LINGO2: variants seen among roughly 807,000 people sequenced by gnomAD.
The protein encoded by LINGO2 is leucine-rich repeat and immunoglobulin-like domain-containing nogo receptor-interacting protein 2.
Under a neutral mutation model 30.6 loss-of-function variants are expected in LINGO2, and 14 were observed. The observed-to-expected ratio is 0.46, with a 90% confidence interval of 0.30 to 0.72. The LOEUF is 0.72. LINGO2 is among the 30% of genes least tolerant of loss of function. The pLI is 0.07. For missense variants in LINGO2, 729 were observed against 751.7 expected, an observed-to-expected ratio of 0.97 and a Z score of 0.35; for synonymous variants, 317 against 288.5, an observed-to-expected ratio of 1.10 and a Z score of -1.00.
At chr9:28,606,419 T>C (rs1305263303) in intron 1 of LINGO2, among the ~76,000 whole-genome samples, 1 of 151,982 alleles carries the variant, frequency 6.6e-6, no homozygotes, top group African/African-American at 2.4e-5. Context: ...ATGACTTTAC[T>C]GGAGAGACTT....
chr9:28,392,487 T>C (rs1045240774), intron 2 of LINGO2, among the ~76,000 whole-genome samples: 1 of 152,148 alleles, frequency 6.6e-6, no homozygotes, highest in Non-Finnish European at 1.5e-5. Context: ...ATATGGGTGA[T>C]GTTAAAGTTG....
At chr9:28,760,393 T>A in the LINGO2 span, among the ~76,000 whole-genome samples, 1,701 of 152,166 alleles carry the variant, frequency 0.011, 44 homozygotes, top group African/African-American at 0.039. Flanking sequence ...GGGTTATTCA[T>A]GAGTACCTTT....
rs368960031 is a variant in LINGO2, at chr9:28,552,728, T to A, written c.-364-76703A>T. On this transcript the variant is annotated intron_variant, in intron 1 of 5. Coordinates refer to ENST00000379992, the Ensembl canonical transcript of LINGO2. ...ATGTTTTAAGACGTTGGATTTTCTC[T>A]GTGGGTTCCCTAATTTTATTTTATT... Among the ~76,000 whole-genome samples the A allele has an allele frequency of 3.8e-4, 58 of 151,882 alleles. 2 individuals carry two copies. The East Asian group carries it at 7.3e-3, about 19-fold the overall frequency.
chr9:28,506,515 T>TAGATAGATATATAG (rs1554729664), intron 1 of LINGO2, among the ~76,000 whole-genome samples: 2 of 100,604 alleles, frequency 2.0e-5, no homozygotes, highest in Non-Finnish European at 4.0e-5. Context: ...CATATATATA[T>TAGATAGATATATAG]ATATATAAAC....
At chr9:28,376,202 A>G (rs1821124615) in intron 2 of LINGO2, among the ~76,000 whole-genome samples, 1 of 151,844 alleles carries the variant, frequency 6.6e-6, no homozygotes, top group East Asian at 1.9e-4. Context: ...TAGGCCACAT[A>G]TGTTCATTAG....
chr9:28,414,057 C>G (rs1270843227), intron 2 of LINGO2, among the ~76,000 whole-genome samples: 1 of 151,992 alleles, frequency 6.6e-6, no homozygotes, highest in Non-Finnish European at 1.5e-5. Context: ...ATAAGCAAAG[C>G]AGCAGCTTGT....
chr9:29,018,871 G>A, the LINGO2 span, among the ~76,000 whole-genome samples: 2 of 152,106 alleles, frequency 1.3e-5, no homozygotes, highest in East Asian at 1.9e-4. Flanking sequence ...ACTCAAGAAC[G>A]AAATTCACAG....
chr9:29,025,826 C>T, the LINGO2 span, among the ~76,000 whole-genome samples: 3 of 152,042 alleles, frequency 2.0e-5, no homozygotes, highest in African/African-American at 4.8e-5. Context: ...CACCCCTGCC[C>T]GTGGTAAACA....
At chr9:29,191,479 T>C in the LINGO2 span, among the ~76,000 whole-genome samples, 2 of 152,196 alleles carry the variant, frequency 1.3e-5, no homozygotes, top group African/African-American at 4.8e-5. Flanking sequence ...CTGTTTTTTT[T>C]TGGCGGCAAT....
chr9:28,714,074 G>A, the LINGO2 span, among the ~76,000 whole-genome samples: 2 of 151,090 alleles, frequency 1.3e-5, no homozygotes, highest in African/African-American at 2.4e-5. Flanking sequence ...CAGGAGAATC[G>A]CTTGAACCTG....
In LINGO2 at chr9:28,404,923, TG is replaced by T. The variant is rs1564178536; in HGVS notation, c.-278-32056del. 2.4e-4 allele frequency among the ~76,000 whole-genome samples: 33 copies of T among 140,240 alleles called. 1 individual carries two copies. In the South Asian group the frequency reaches 5.1e-3, roughly 22 times the overall value. 92.0% of individuals were successfully genotyped at this position (140,240 alleles called of 152,430 possible). A position where few individuals can be genotyped will look rare whatever the true frequency, so the allele number is the denominator to read the frequency against. ...CTTTGTGTGTGTGTGTGTGTGTGTG[TG>T]TGTAAAATTCCAGAAGGACTACACC... is the stretch of plus-strand genomic sequence containing the variant. On this transcript the variant is annotated intron_variant, in intron 2 of 5. Coordinates refer to ENST00000379992, the Ensembl canonical transcript of LINGO2.
intron 4 of LINGO2, among the ~76,000 whole-genome samples, chr9:28,167,626 G>A (rs551951874): frequency 2.0e-5 from 3 of 152,182 alleles, no homozygotes; most frequent in African/African-American, 7.2e-5. Flanking sequence ...TGCTCAAGTA[G>A]TATGCCCCCT....
At chr9:27,968,984 T>C in intron 5 of LINGO2, among the ~76,000 whole-genome samples, 1 of 151,886 alleles carries the variant, frequency 6.6e-6, no homozygotes, top group Non-Finnish European at 1.5e-5. Context: ...TATATTTTGA[T>C]AAACATTTTT....
At chr9:28,421,964 T>C (rs1823215533) in intron 2 of LINGO2, among the ~76,000 whole-genome samples, 1 of 151,998 alleles carries the variant, frequency 6.6e-6, no homozygotes, top group Non-Finnish European at 1.5e-5. Context: ...TGCAACAGAA[T>C]GAAGATGGAC....
chr9:28,543,604 G>A (rs945181274), intron 1 of LINGO2, among the ~76,000 whole-genome samples: 1 of 151,994 alleles, frequency 6.6e-6, no homozygotes, highest in Non-Finnish European at 1.5e-5. Context: ...ACAAAAAAAG[G>A]TATATGAATG....
At chr9:28,790,325 CTTTTTTTTTT>C in the LINGO2 span, among the ~76,000 whole-genome samples, 1 of 106,298 alleles carries the variant, frequency 9.4e-6, no homozygotes, top group Non-Finnish European at 1.8e-5. Context: ...TCTTTTCTTT[CTTTTTTTTTT>C]TTTTTTTTTT....
At chr9:28,179,361 A>T (rs1283872022) in intron 4 of LINGO2, among the ~76,000 whole-genome samples, 1 of 113,870 alleles carries the variant, frequency 8.8e-6, no homozygotes, top group East Asian at 2.8e-4. Flanking sequence ...TATATACTAT[A>T]TGTATGTATA....
intron 4 of LINGO2, among the ~76,000 whole-genome samples, chr9:28,054,654 T>G (rs1824835092): frequency 1.3e-5 from 2 of 152,128 alleles, no homozygotes; most frequent in South Asian, 4.1e-4. Flanking sequence ...TTAATTTGAC[T>G]TTGTCTTTTG....
chr9:27,999,456 G>A (rs1402628031), intron 5 of LINGO2, among the ~76,000 whole-genome samples: 1 of 151,838 alleles, frequency 6.6e-6, no homozygotes, highest in African/African-American at 2.4e-5. Flanking sequence ...GAGAGAGAGA[G>A]AGAGAGAGAG....
Sources: gnomAD v4.1 joint callset for allele counts (sites outside exome capture counted in the v4.1 genomes callset) on GRCh38, gnomAD v4.1.1 for gene constraint, MANE v1.5 for transcripts, NCBI Gene and HGNC (gene_info 2026-07-23, HGNC 2026-07-21) for gene names.